Variants in RORA observed in about 807,000 individuals in gnomAD.
RORA encodes the protein RAR related orphan receptor A.
In RORA, 7 loss-of-function variants were observed where a neutral mutation model predicts 69.5. That is an observed-to-expected ratio of 0.10 (90% CI 0.06 to 0.19). The LOEUF (loss-of-function observed/expected upper bound fraction) is 0.19. Among genes scored for constraint, RORA ranks in the 10% least tolerant of loss-of-function variants. RORA has a pLI of 1.00. For missense variants in RORA, 457 were observed against 663.0 expected (o/e 0.69, Z 3.41); for synonymous variants, 261 against 240.8 (o/e 1.08, Z -0.78).
intron 1 of RORA, among the ~76,000 whole-genome samples, chr15:61,018,347 G>T (rs1895376247): frequency 6.6e-6 from 1 of 152,010 alleles, no homozygotes; most frequent in Non-Finnish European, 1.5e-5. Context: ...CTAGTTTTAT[G>T]GGGCTTTTCT....
intron 1 of RORA, among the ~76,000 whole-genome samples, chr15:61,222,263 C>T (rs2080104839): frequency 6.6e-6 from 1 of 152,136 alleles, no homozygotes. Flanking sequence ...AAACCATCAC[C>T]AGGAAACCAC....
At chr15:61,185,390 A>AGAGACAC (rs148672539) in intron 1 of RORA, among the ~76,000 whole-genome samples, 1 of 151,530 alleles carries the variant, frequency 6.6e-6, no homozygotes, top group African/African-American at 2.4e-5. Context: ...CAGGATCTCT[A>AGAGACAC]TACGGCTACT....
intron 2 of RORA, among the ~76,000 whole-genome samples, chr15:60,541,352 T>C (rs2066866007): frequency 6.6e-6 from 1 of 152,202 alleles, no homozygotes; most frequent in African/African-American, 2.4e-5. Flanking sequence ...AATGCTTTTC[T>C]AAGACAACCA....
chr15:61,069,259 G>C (rs907101132), intron 1 of RORA, among the ~76,000 whole-genome samples: 5 of 152,108 alleles, frequency 3.3e-5, no homozygotes, highest in Admixed American at 1.3e-4. Flanking sequence ...TAAACTAGTT[G>C]ATCACTGCAA....
intron 1 of RORA, among the ~76,000 whole-genome samples, chr15:60,859,660 T>TA (rs1430837972): frequency 1.4e-5 from 2 of 147,480 alleles, no homozygotes; most frequent in African/African-American, 5.0e-5. Flanking sequence ...TCTTTCTTTT[T>TA]TTTTTTTTTT....
intron 1 of RORA, among the ~76,000 whole-genome samples, chr15:60,805,677 G>T (rs1057438554): frequency 3.9e-5 from 6 of 152,166 alleles, no homozygotes; most frequent in African/African-American, 1.2e-4. Flanking sequence ...TACATGGTAG[G>T]TCTATGAACA....
intron 2 of RORA, among the ~76,000 whole-genome samples, chr15:60,665,672 G>A (rs2070368150): frequency 6.6e-6 from 1 of 152,094 alleles, no homozygotes; most frequent in African/African-American, 2.4e-5. Flanking sequence ...ATAATTTCAA[G>A]TAATAAATAC....
chr15:60,733,177 A>G (rs1191858522), intron 1 of RORA, among the ~76,000 whole-genome samples: 1 of 152,220 alleles, frequency 6.6e-6, no homozygotes, highest in African/African-American at 2.4e-5. Context: ...AAGGAAATGC[A>G]TTAGTCAATG....
At chr15:61,093,555 C>A (rs1308151523) in intron 1 of RORA, among the ~76,000 whole-genome samples, 1 of 152,186 alleles carries the variant, frequency 6.6e-6, no homozygotes, top group East Asian at 1.9e-4. Flanking sequence ...ATGCAGAAAA[C>A]CATGCAGGAG....
intron 4 of RORA, 105 bp downstream of exon 4, chr15:60,514,511 T>C: frequency 9.0e-7 from 1 of 1,109,778 alleles, no homozygotes; most frequent in East Asian, 2.4e-5. Flanking sequence ...GGTGGAATAA[T>C]GAGGAGGGGG....
At chr15:61,083,769 G>A (rs1347397096) in intron 1 of RORA, among the ~76,000 whole-genome samples, 1 of 151,810 alleles carries the variant, frequency 6.6e-6, no homozygotes. Context: ...AATAGAGTCA[G>A]CCTCTTCAAG....
At chr15:60,862,641 A>T (rs916145618) in intron 1 of RORA, among the ~76,000 whole-genome samples, 1 of 152,196 alleles carries the variant, frequency 6.6e-6, no homozygotes, top group African/African-American at 2.4e-5. Flanking sequence ...ATTTTGGGTA[A>T]AAAAGAAAAA....
chr15:61,157,269 A>G (rs77161707), intron 1 of RORA, among the ~76,000 whole-genome samples: 6,575 of 152,278 alleles, frequency 0.043, 415 homozygotes, highest in East Asian at 0.21. Context: ...AATGTAGGCA[A>G]CATCATGAAT....
intron 1 of RORA, among the ~76,000 whole-genome samples, chr15:61,118,199 A>AG (rs2079067378): frequency 6.6e-6 from 1 of 152,168 alleles, no homozygotes; most frequent in Non-Finnish European, 1.5e-5. Context: ...GAAAGAGGGT[A>AG]GGGGTGGGGG....
At chr15:60,901,321 G>A (rs549707829) in intron 1 of RORA, among the ~76,000 whole-genome samples, 1 of 152,148 alleles carries the variant, frequency 6.6e-6, no homozygotes, top group Non-Finnish European at 1.5e-5. Flanking sequence ...AAAAACACCA[G>A]CCACCACACC....
chr15:60,500,054 G>A, intron 9 of RORA, 50 bp from the exon 10 acceptor site: 2 of 1,142,054 alleles, frequency 1.8e-6, no homozygotes, highest in Non-Finnish European at 2.6e-6. Context: ...CATGGTGTCA[G>A]GATCCTTCTT....
At chr15:60,662,310 C>A (rs532584423) in intron 2 of RORA, among the ~76,000 whole-genome samples, 69 of 152,154 alleles carry the variant, frequency 4.5e-4, no homozygotes, top group Non-Finnish European at 8.7e-4. Flanking sequence ...AAAAGAGAGA[C>A]TTGCTATGCA....
chr15:61,001,608 T>A (rs531039673), intron 1 of RORA, among the ~76,000 whole-genome samples: 1 of 152,212 alleles, frequency 6.6e-6, no homozygotes, highest in Admixed American at 6.5e-5. Flanking sequence ...TTTCAACAAG[T>A]ATCTCCTGAG....
chr15:61,066,725 G>C (rs556688833), intron 1 of RORA, among the ~76,000 whole-genome samples: 1 of 151,828 alleles, frequency 6.6e-6, no homozygotes. Context: ...ACTATGCCCC[G>C]CTGGCATGTT....
Sources: allele counts gnomAD v4.1 joint callset (sites outside exome capture counted in the v4.1 genomes callset), GRCh38; gene constraint gnomAD v4.1.1; transcripts MANE v1.5; gene names NCBI Gene and HGNC (gene_info 2026-07-23, HGNC 2026-07-21).